ARHGAP26: variants seen among roughly 807,000 people sequenced by gnomAD.
ARHGAP26 encodes rho GTPase-activating protein 26.
ARHGAP26 carries 38 observed loss-of-function variants against 104.8 expected under a neutral mutation model. The ratio of observed to expected loss-of-function variants is 0.36; its 90% confidence interval spans 0.28 to 0.48. The LOEUF (loss-of-function observed/expected upper bound fraction) is 0.48. Ranked by LOEUF, ARHGAP26 falls within the 20% of genes least tolerant of loss-of-function variation. ARHGAP26 has a pLI of 0.99. For missense variants in ARHGAP26, 704 were observed against 947.9 expected (o/e 0.74, Z 3.38); for synonymous variants, 341 against 340.0 (o/e 1.00, Z -0.03).
At chr5:142,807,556 C>T (rs1201536469) in intron 1 of ARHGAP26, among the ~76,000 whole-genome samples, 3 of 152,194 alleles carry the variant, frequency 2.0e-5, no homozygotes, top group South Asian at 4.1e-4. Flanking sequence ...CTGGTGTATC[C>T]AGCACACTTT....
intron 1 of ARHGAP26, among the ~76,000 whole-genome samples, chr5:142,865,931 T>C (rs1754199639): frequency 6.6e-6 from 1 of 152,234 alleles, no homozygotes; most frequent in South Asian, 2.1e-4. Flanking sequence ...TCCACTTCTA[T>C]AGCATCTTCC....
intron 11 of ARHGAP26, among the ~76,000 whole-genome samples, chr5:142,965,901 A>G (rs1451455683): frequency 1.3e-5 from 2 of 152,146 alleles, no homozygotes; most frequent in Non-Finnish European, 2.9e-5. Flanking sequence ...ATCCAGTGTA[A>G]ATAGTTGGAG....
intron 11 of ARHGAP26, among the ~76,000 whole-genome samples, chr5:143,006,596 G>A (rs1778005597): frequency 1.3e-5 from 2 of 152,150 alleles, no homozygotes; most frequent in Non-Finnish European, 2.9e-5. Flanking sequence ...AGTATTGTCA[G>A]CTGAGAAACA....
chr5:142,786,174 G>A (rs1305480949), intron 1 of ARHGAP26, among the ~76,000 whole-genome samples: 1 of 151,416 alleles, frequency 6.6e-6, no homozygotes, highest in Non-Finnish European at 1.5e-5. Flanking sequence ...TAGCGATGGG[G>A]GTCTCAGTGT....
intron 17 of ARHGAP26, among the ~76,000 whole-genome samples, chr5:143,097,947 A>G (rs1291695716): frequency 1.3e-5 from 2 of 152,106 alleles, no homozygotes; most frequent in Non-Finnish European, 2.9e-5. Context: ...TATTGGTTGT[A>G]AAAGTCTGGA....
At chr5:143,014,145 C>T (rs1357197540) in intron 12 of ARHGAP26, 29 bp downstream of exon 12, 4 of 1,613,372 alleles carry the variant, frequency 2.5e-6, no homozygotes, top group Non-Finnish European at 3.4e-6. Context: ...TAACCTTCTA[C>T]AGCCAGGGTT....
chr5:142,794,492 C>G (rs914285729), intron 1 of ARHGAP26, among the ~76,000 whole-genome samples: 3 of 152,174 alleles, frequency 2.0e-5, no homozygotes, highest in African/African-American at 7.2e-5. Flanking sequence ...GGTTGTTACC[C>G]ACATTTGAAA....
chr5:143,212,583 T>C (rs1809648157), intron 21 of ARHGAP26, among the ~76,000 whole-genome samples: 1 of 152,152 alleles, frequency 6.6e-6, no homozygotes, highest in Admixed American at 6.5e-5. Flanking sequence ...TCCCACTTCA[T>C]TTTCCCCCAC....
chr5:142,980,191 A>G (rs1773713893), intron 11 of ARHGAP26, among the ~76,000 whole-genome samples: 1 of 152,134 alleles, frequency 6.6e-6, no homozygotes, highest in African/African-American at 2.4e-5. Context: ...TATGCAGTAT[A>G]ATACCTGTGA....
At chr5:143,096,543 C>T (rs1275745066) in intron 17 of ARHGAP26, among the ~76,000 whole-genome samples, 2 of 152,226 alleles carry the variant, frequency 1.3e-5, no homozygotes, top group East Asian at 3.8e-4. Context: ...AGTCGCACAA[C>T]TGCTTTCCCT....
At chr5:142,963,636 C>A (rs1177153071) in intron 11 of ARHGAP26, among the ~76,000 whole-genome samples, 1 of 152,106 alleles carries the variant, frequency 6.6e-6, no homozygotes, top group Admixed American at 6.5e-5. Context: ...AGATCTCAGC[C>A]TAAATGTCAC....
chr5:142,954,802 A>G (rs1051463328), intron 11 of ARHGAP26, among the ~76,000 whole-genome samples: 1 of 152,208 alleles, frequency 6.6e-6, no homozygotes, highest in Admixed American at 6.5e-5. Context: ...GAGACACTGC[A>G]GTATCTGTCT....
At chr5:143,027,811 T>C (rs1482514746) in intron 12 of ARHGAP26, among the ~76,000 whole-genome samples, 1 of 152,190 alleles carries the variant, frequency 6.6e-6, no homozygotes, top group African/African-American at 2.4e-5. Context: ...TTGTTTTTGG[T>C]GGTAATAATC....
At chr5:143,160,665 T>C (rs1040565043) in intron 20 of ARHGAP26, among the ~76,000 whole-genome samples, 15 of 152,068 alleles carry the variant, frequency 9.9e-5, no homozygotes, top group Admixed American at 7.9e-4. Context: ...TTTTATTTTT[T>C]GTAGAGATGG....
intron 19 of ARHGAP26, among the ~76,000 whole-genome samples, chr5:143,136,347 T>C (rs1402016541): frequency 6.6e-6 from 1 of 152,160 alleles, no homozygotes; most frequent in Admixed American, 6.5e-5. Flanking sequence ...AGACAGGGGA[T>C]GCAAAAGGAG....
chr5:142,782,986 G>A (rs1020242326), intron 1 of ARHGAP26, among the ~76,000 whole-genome samples: 15 of 152,270 alleles, frequency 9.9e-5, no homozygotes, highest in African/African-American at 3.6e-4. Context: ...CTGGAAACCC[G>A]AATTTCCTAT....
intron 8 of ARHGAP26, among the ~76,000 whole-genome samples, chr5:142,903,972 T>C (rs764424125): frequency 6.6e-6 from 1 of 152,088 alleles, no homozygotes; most frequent in African/African-American, 2.4e-5. Context: ...TTATGTACCA[T>C]ACCCTGAGCA....
chr5:142,845,014 C>T (rs1479833773), intron 1 of ARHGAP26, among the ~76,000 whole-genome samples: 3 of 152,150 alleles, frequency 2.0e-5, no homozygotes, highest in Admixed American at 6.5e-5. Flanking sequence ...ACTTCCTTTT[C>T]GTCTTCTCCT....
intron 11 of ARHGAP26, among the ~76,000 whole-genome samples, chr5:142,958,917 A>AAT (rs1275883139): frequency 9.6e-6 from 1 of 103,652 alleles, no homozygotes; most frequent in Non-Finnish European, 1.6e-5. Flanking sequence ...AAAAAAAAAA[A>AAT]AAGAAAAAAA....
Sources: gnomAD v4.1 joint callset for allele counts (sites outside exome capture counted in the v4.1 genomes callset) on GRCh38, gnomAD v4.1.1 for gene constraint, MANE v1.5 for transcripts, NCBI Gene and HGNC (gene_info 2026-07-23, HGNC 2026-07-21) for gene names.